Variants in MYO10 observed in about 807,000 individuals in gnomAD.
The protein encoded by MYO10 is myosin X, also known as unconventional myosin-X.
In MYO10, 133 loss-of-function variants were observed where a neutral mutation model predicts 257.3. That is an observed-to-expected ratio of 0.52 (90% confidence interval 0.45 to 0.60). The LOEUF is 0.60. MYO10 is among the 20% of genes least tolerant of loss of function. The pLI is 0.00. For missense variants in MYO10, 2,399 were observed against 2,635.7 expected (o/e 0.91, Z 1.97); for synonymous variants, 1,104 against 1,028.6 (o/e 1.07, Z -1.40).
chr5:16,709,124 C>A (rs1738477806), intron 21 of MYO10, among the ~76,000 whole-genome samples: 1 of 152,164 alleles, frequency 6.6e-6, no homozygotes, highest in Non-Finnish European at 1.5e-5. Flanking sequence ...TACATCAGGG[C>A]TAAGAAGAGG....
intron 2 of MYO10, among the ~76,000 whole-genome samples, chr5:16,819,607 C>T (rs1742738477): frequency 6.6e-6 from 1 of 152,096 alleles, no homozygotes; most frequent in Admixed American, 6.6e-5. Flanking sequence ...AGCCTTCAGA[C>T]ACGCACAAAC....
At chr5:16,922,109 G>C (rs1746003335) in intron 1 of MYO10, among the ~76,000 whole-genome samples, 1 of 151,938 alleles carries the variant, frequency 6.6e-6, no homozygotes, top group Admixed American at 6.6e-5. Context: ...AGCTACTCGG[G>C]AGGCTGAGGC....
In MYO10 at chr5:16,720,115, G is replaced by C. The variant is rs75476748; in HGVS notation, c.1930-8870C>G. ...ATGTCCAAGAGCAAACCCAGTCCCTGCTCTGCCCTGACAAATGCAGGCCCT... is the reference window on the plus strand; with the variant it reads ...ATGTCCAAGAGCAAACCCAGTCCCTCCTCTGCCCTGACAAATGCAGGCCCT... On this transcript the variant is annotated intron_variant, in intron 19 of 40. Coordinates refer to ENST00000513610, the MANE Select transcript of MYO10 (RefSeq NM_012334.3). 1.0e-3 allele frequency among the ~76,000 whole-genome samples: 153 copies of C among 151,982 alleles called. 1 individual carries two copies. The highest frequency in any genetic ancestry group is 3.5e-3 in the African/African-American group (147 of 41,468).
chr5:16,883,320 G>C (rs193211778), intron 1 of MYO10, among the ~76,000 whole-genome samples: 2 of 152,288 alleles, frequency 1.3e-5, no homozygotes, highest in African/African-American at 4.8e-5. Context: ...CTGTAACTGA[G>C]CAACAGAGGT....
chr5:16,779,050 A>C (rs1298052616), intron 9 of MYO10, among the ~76,000 whole-genome samples: 1 of 152,136 alleles, frequency 6.6e-6, no homozygotes, highest in Non-Finnish European at 1.5e-5. Context: ...CCTGTGCCTA[A>C]GTTTTCCTGA....
intron 2 of MYO10, among the ~76,000 whole-genome samples, chr5:16,862,705 A>G (rs900367668): frequency 3.3e-5 from 5 of 152,204 alleles, no homozygotes; most frequent in Admixed American, 1.3e-4. Context: ...AGTATTAATT[A>G]GCGGATTATT....
At position 16,761,496 on chromosome 5, in the gene MYO10, T is replaced by C; in HGVS notation, c.1707A>G (p.Arg569=). 7.4e-6 allele frequency: 12 copies of C among 1,613,636 alleles called. No homozygotes were observed. Among genetic ancestry groups the C allele is most frequent in the Non-Finnish European group, 1.0e-5 (12 of 1,179,730 alleles). The change falls in exon 17 of 41, where the codon CGA becomes CGG. Residue 569 remains arginine, a synonymous_variant. Transcript: ENST00000513610. ...CTCTTAGCAAATTGAGAAGGTCATC[T>C]CGAAATGTATCTCTGTTCTTCTCCA... ...GILEKNRDTF[R]DDLLNLLRES...
chr5:16,715,851 T>G (rs1738847411), intron 19 of MYO10, among the ~76,000 whole-genome samples: 4 of 151,980 alleles, frequency 2.6e-5, no homozygotes, highest in African/African-American at 7.3e-5. Flanking sequence ...AGGTCAGCAG[T>G]TCGAGACCAG....
chr5:16,703,968 A>C (rs1738210847), intron 22 of MYO10, among the ~76,000 whole-genome samples: 1 of 151,380 alleles, frequency 6.6e-6, no homozygotes, highest in Non-Finnish European at 1.5e-5. Flanking sequence ...TGATAACACC[A>C]AGGTGAACAG....
chr5:16,722,741 T>C (rs1216161077), intron 19 of MYO10, among the ~76,000 whole-genome samples: 3 of 152,190 alleles, frequency 2.0e-5, no homozygotes, highest in Non-Finnish European at 2.9e-5. Flanking sequence ...AACTCCTAGA[T>C]GATAACATAG....
chr5:16,752,521 C>T (rs1054225298), intron 19 of MYO10, among the ~76,000 whole-genome samples: 4 of 152,134 alleles, frequency 2.6e-5, no homozygotes, highest in African/African-American at 9.7e-5. Flanking sequence ...GACGTCAAGT[C>T]ATCCAACCTA....
chr5:16,886,669 T>C (rs1744905392), intron 1 of MYO10, among the ~76,000 whole-genome samples: 1 of 152,110 alleles, frequency 6.6e-6, no homozygotes, highest in African/African-American at 2.4e-5. Context: ...CAGTGGCTCC[T>C]GACTGTAATC....
chr5:16,679,524 G>GTTTTTTTTTTTTTTTTTTGTT (rs1736887700), intron 33 of MYO10, among the ~76,000 whole-genome samples: 48 of 122,650 alleles, frequency 3.9e-4, no homozygotes, highest in African/African-American at 1.5e-3. Flanking sequence ...TTTTTTGGGT[G>GTTTTTTTTTTTTTTTTTTGTT]TTTTTTTTTT....
chr5:16,846,109 G>C (rs918408985), intron 2 of MYO10, among the ~76,000 whole-genome samples: 1 of 152,308 alleles, frequency 6.6e-6, no homozygotes, highest in East Asian at 1.9e-4. Context: ...ACAGTGTCCA[G>C]GTGTTAAGGT....
chr5:16,787,163 A>G (rs2052836), intron 4 of MYO10, among the ~76,000 whole-genome samples: 112,783 of 151,764 alleles, frequency 0.74, 42,520 homozygotes, highest in Non-Finnish European at 0.82. Context: ...AGCGAGACCC[A>G]AGACCCTGTC....
chr5:16,668,413 A>G lies in MYO10; in HGVS notation c.5939T>C (p.Val1980Ala). 9 of 1,613,796 alleles carry G rather than the reference A, an allele frequency of 5.6e-6. No individual in the cohort carries two copies. The highest frequency in any genetic ancestry group is 7.6e-6 in the Non-Finnish European group (9 of 1,179,834). The change falls in exon 40 of 41, where the codon GTC becomes GCC. Residue 1980 changes from valine (V) to alanine (A), a missense_variant. Physicochemically the swap from Val to Ala is moderately conservative, Grantham distance 64. Transcript: ENST00000513610. ...TCCCTCTCCACGCTTGTAGACGGAGACGGCGTCCGCGCTGACACCCAACCA... is the reference window on the plus strand; with the variant it reads ...TCCCTCTCCACGCTTGTAGACGGAGGCGGCGTCCGCGCTGACACCCAACCA... Reference protein sequence around the residue: ...ELWLGVSADAVSVYKRGEGRP... With the variant: ...ELWLGVSADAASVYKRGEGRP...
intron 2 of MYO10, among the ~76,000 whole-genome samples, chr5:16,842,732 C>T (rs774204547): frequency 5.9e-5 from 9 of 151,906 alleles, no homozygotes; most frequent in Non-Finnish European, 1.0e-4. Flanking sequence ...TGACACCAGC[C>T]AAAGCAACTT....
intron 4 of MYO10, among the ~76,000 whole-genome samples, chr5:16,791,152 A>G (rs1450703560): frequency 6.6e-6 from 1 of 152,138 alleles, no homozygotes; most frequent in Non-Finnish European, 1.5e-5. Context: ...GAAGTCCTAT[A>G]TAATTCAAAC....
intron 2 of MYO10, among the ~76,000 whole-genome samples, chr5:16,830,295 T>G (rs1207610717): frequency 2.6e-5 from 4 of 152,052 alleles, no homozygotes; most frequent in African/African-American, 9.7e-5. Flanking sequence ...TCAGGAACTG[T>G]GATTTTATAG....
Sources: allele counts gnomAD v4.1 joint callset (sites outside exome capture counted in the v4.1 genomes callset), GRCh38; gene constraint gnomAD v4.1.1; transcripts MANE v1.5; gene names NCBI Gene and HGNC (gene_info 2026-07-23, HGNC 2026-07-21).